The following EYS variants were observed in gnomAD, a reference collection of about 807,000 sequenced individuals.
The protein encoded by EYS is protein eyes shut homolog.
A neutral mutation model predicts 282.1 loss-of-function variants in EYS; 250 were observed. The ratio of observed to expected loss-of-function variants is 0.89; its 90% confidence interval spans 0.80 to 0.98. The LOEUF is 0.98. Among genes scored for constraint, EYS ranks in the 50% least tolerant of loss-of-function variants. EYS has a pLI of 0.00. For missense variants in EYS, 4,016 were observed against 3,709.0 expected, an observed-to-expected ratio of 1.08 and a Z score of -2.15; for synonymous variants, 1,355 against 1,282.9, an observed-to-expected ratio of 1.06 and a Z score of -1.20.
intron 19 of EYS, among the ~76,000 whole-genome samples, chr6:64,847,830 C>T (rs1765761859): frequency 6.6e-6 from 1 of 152,088 alleles, no homozygotes; most frequent in South Asian, 2.1e-4. Flanking sequence ...TGTTTACCTT[C>T]TTACCCTCAC....
At chr6:64,608,245 C>T (rs1370590675) in intron 24 of EYS, among the ~76,000 whole-genome samples, 12 of 151,858 alleles carry the variant, frequency 7.9e-5, no homozygotes, top group Admixed American at 7.9e-4. Flanking sequence ...GTTGTATCTG[C>T]CTGGAGAACA....
At chr6:64,920,746 T>C (rs1170864102) in intron 15 of EYS, among the ~76,000 whole-genome samples, 2 of 152,126 alleles carry the variant, frequency 1.3e-5, no homozygotes, top group Non-Finnish European at 1.5e-5. Context: ...AAAGATCCTA[T>C]ATACCTACAC....
intron 37 of EYS, among the ~76,000 whole-genome samples, chr6:63,801,194 G>GA (rs1488461402): frequency 7.2e-5 from 11 of 152,136 alleles, no homozygotes; most frequent in Non-Finnish European, 1.5e-4. Context: ...ACATGACTGA[G>GA]CGGAGAGACT....
chr6:64,435,438 C>CT (rs71551587), intron 28 of EYS, among the ~76,000 whole-genome samples: 3,013 of 135,158 alleles, frequency 0.022, 69 homozygotes, highest in African/African-American at 0.061. Flanking sequence ...CTTCTTCTTC[C>CT]TTTTTTTTTT....
intron 1 of EYS, among the ~76,000 whole-genome samples, chr6:65,703,628 T>C (rs1021034304): frequency 6.6e-6 from 1 of 151,630 alleles, no homozygotes; most frequent in African/African-American, 2.4e-5. Flanking sequence ...TAAAATTATC[T>C]ATTATCTATA....
At chr6:64,603,075 G>A (rs992213536) in intron 24 of EYS, among the ~76,000 whole-genome samples, 2 of 152,000 alleles carry the variant, frequency 1.3e-5, no homozygotes, top group African/African-American at 4.8e-5. Context: ...TAATATCATG[G>A]ATGCTAATCT....
intron 26 of EYS, among the ~76,000 whole-genome samples, chr6:64,469,809 G>A (rs868644553): frequency 2.6e-5 from 4 of 151,960 alleles, no homozygotes; most frequent in African/African-American, 9.7e-5. Flanking sequence ...AGGCCTAACC[G>A]TCTCCCTGTG....
intron 1 of EYS, among the ~76,000 whole-genome samples, chr6:65,696,110 G>A (rs1019064129): frequency 2.2e-4 from 33 of 151,914 alleles, no homozygotes; most frequent in African/African-American, 8.0e-4. Context: ...AAGTTCCTCT[G>A]CCTGCAGTAG....
At chr6:64,913,384 G>A (rs1583288314) in intron 15 of EYS, among the ~76,000 whole-genome samples, 1 of 151,996 alleles carries the variant, frequency 6.6e-6, no homozygotes, top group Admixed American at 6.6e-5. Flanking sequence ...CCAATAAATA[G>A]ATTTTCAACC....
chr6:64,559,588 A>G (rs1765335716), intron 26 of EYS, among the ~76,000 whole-genome samples: 1 of 152,068 alleles, frequency 6.6e-6, no homozygotes, highest in Non-Finnish European at 1.5e-5. Flanking sequence ...AAGTTTTCCT[A>G]TATGATGTAT....
intron 29 of EYS, among the ~76,000 whole-genome samples, chr6:64,316,062 G>C (rs188091302): frequency 6.6e-5 from 10 of 152,230 alleles, no homozygotes; most frequent in Middle Eastern, 3.4e-3. Context: ...CTGATGGAAA[G>C]TATCTCAAAA....
Position 64,192,159 on chromosome 6 carries a change from C to A in EYS, c.6424+38433G>T, listed in dbSNP as rs1765133800. ...GAAGTGTCTGTTCATGTCCTTCGCC[C>A]ACTTTTTGATGGGGTTGTTTGTTTT... On this transcript the variant is annotated intron_variant, in intron 31 of 42. Transcript: ENST00000503581. Among the ~76,000 whole-genome samples the A allele has an allele frequency of 2.7e-5, 4 of 145,928 alleles. No individual in the cohort carries two copies. In the South Asian group the frequency reaches 8.9e-4, roughly 32 times the overall value.
chr6:65,568,254 C>T (rs1764352461), intron 2 of EYS, among the ~76,000 whole-genome samples: 1 of 152,018 alleles, frequency 6.6e-6, no homozygotes, highest in South Asian at 2.1e-4. Flanking sequence ...CTCCCCTCTC[C>T]CATAACCTGT....
intron 2 of EYS, among the ~76,000 whole-genome samples, chr6:65,619,949 G>T (rs947398353): frequency 4.6e-5 from 7 of 150,794 alleles, no homozygotes; most frequent in African/African-American, 1.7e-4. Context: ...TGCTGGATTC[G>T]GTTTGCCAGT....
chr6:64,644,763 T>C lies in EYS; in HGVS notation c.3444-18518A>G, dbSNP rs939703461. Among the ~76,000 whole-genome samples, 10 of 152,190 alleles carry C rather than the reference T, an allele frequency of 6.6e-5. No homozygotes were observed. The East Asian group carries it at 1.9e-3, about 29-fold the overall frequency. ...GTATATTTTAATGCAGTTAAAATAA[T>C]GGTCTGGGTTCTCTTACACTGCAAT... On this transcript the variant is annotated intron_variant, in intron 22 of 42. Coordinates refer to ENST00000503581, the MANE Select transcript of EYS (RefSeq NM_001142800.2).
At chr6:64,725,651 A>G (rs951471887) in intron 22 of EYS, among the ~76,000 whole-genome samples, 2 of 151,972 alleles carry the variant, frequency 1.3e-5, no homozygotes, top group African/African-American at 4.8e-5. Context: ...TACTCCTCCA[A>G]GTCTTATTTC....
At chr6:64,441,917 C>A (rs1305651565) in intron 26 of EYS, among the ~76,000 whole-genome samples, 1 of 152,060 alleles carries the variant, frequency 6.6e-6, no homozygotes, top group Non-Finnish European at 1.5e-5. Context: ...AGCATGAAAA[C>A]AGATTAATGC....
At position 64,542,756 on chromosome 6, in the gene EYS, G is replaced by A. The variant is rs552557210; in HGVS notation, c.5644+47467C>T. Among the ~76,000 whole-genome samples the A allele has an allele frequency of 2.6e-5, 4 of 152,140 alleles. No individual in the cohort carries two copies. In the South Asian group the frequency reaches 6.2e-4, roughly 24 times the overall value. ...CAGACACCTAACAATTAGGATAGAT[G>A]AGCATCTTTCATGAAAGGAAAGTTA... On this transcript the variant is annotated intron_variant, in intron 26 of 42. Coordinates refer to ENST00000503581, the MANE Select transcript of EYS (RefSeq NM_001142800.2).
At chr6:63,859,641 GAAAAAAA>G (rs199714551) in intron 36 of EYS, among the ~76,000 whole-genome samples, 1 of 94,292 alleles carries the variant, frequency 1.1e-5, no homozygotes, top group Non-Finnish European at 2.3e-5. Flanking sequence ...ACTGCCACCA[GAAAAAAA>G]AAAAAAAAAG....
Sources: gnomAD v4.1 joint callset for allele counts (sites outside exome capture counted in the v4.1 genomes callset) on GRCh38, gnomAD v4.1.1 for gene constraint, MANE v1.5 for transcripts, NCBI Gene and HGNC (gene_info 2026-07-23, HGNC 2026-07-21) for gene names.